Variants in ABCC9 observed in about 807,000 individuals in gnomAD.
The protein encoded by ABCC9 is ATP-binding cassette sub-family C member 9.
A neutral mutation model predicts 188.3 loss-of-function variants in ABCC9; 95 were observed. The observed-to-expected ratio is 0.50, with a 90% CI of 0.43 to 0.60. The LOEUF is 0.60. Ranked by LOEUF, ABCC9 falls within the 20% of genes least tolerant of loss-of-function variation. The probability of loss-of-function intolerance (pLI) is 0.00; values close to 1 mark genes in which losing one functional copy is unlikely to be tolerated. For missense variants in ABCC9, 1,102 were observed against 1,876.3 expected, an observed-to-expected ratio of 0.59 and a Z score of 7.62; for synonymous variants, 659 against 652.7, an observed-to-expected ratio of 1.01 and a Z score of -0.15.
chr12:21,931,558 G>A (rs746457389), intron 4 of ABCC9, among the ~76,000 whole-genome samples: 9 of 152,032 alleles, frequency 5.9e-5, no homozygotes, highest in Non-Finnish European at 1.3e-4. Flanking sequence ...CTACAAACAA[G>A]TTTCTACCAT....
intron 11 of ABCC9, among the ~76,000 whole-genome samples, chr12:21,907,341 G>A (rs1405164224): frequency 6.6e-6 from 1 of 151,984 alleles, no homozygotes; most frequent in African/African-American, 2.4e-5. Flanking sequence ...CATGCAACTC[G>A]CTTGTCATAG....
intron 15 of ABCC9, among the ~76,000 whole-genome samples, chr12:21,883,530 C>G (rs544202255): frequency 6.6e-6 from 1 of 152,232 alleles, no homozygotes; most frequent in South Asian, 2.1e-4. Flanking sequence ...TATAAATTAC[C>G]CAGTCTCAGG....
rs1363467022 is a variant in ABCC9, at chr12:21,797,957, A to T, written c.*3087T>A. ...AGGTGGTCATCTTTTACAGATATGTACCTATATAGTCAAATATTATTTCAA... is the reference window on the plus strand; with the variant it reads ...AGGTGGTCATCTTTTACAGATATGTTCCTATATAGTCAAATATTATTTCAA... On this transcript the variant is annotated 3_prime_UTR_variant, in exon 40 of 40. Coordinates refer to ENST00000261200, the MANE Select transcript of ABCC9 (RefSeq NM_020297.4). 1 of 152,218 alleles carries T rather than the reference A, an allele frequency of 6.6e-6. No individual in the cohort carries two copies. The highest frequency in any genetic ancestry group is 1.5e-5 in the Non-Finnish European group (1 of 68,040). The allele number at this position is 152,218 out of a possible 1,614,324, so 9.4% of individuals were successfully genotyped here.
intron 5 of ABCC9, among the ~76,000 whole-genome samples, chr12:21,920,451 G>T (rs1398896558): frequency 6.6e-6 from 1 of 151,830 alleles, no homozygotes; most frequent in Non-Finnish European, 1.5e-5. Flanking sequence ...TTATTTGTAG[G>T]TATATATTTA....
chr12:21,936,577 G>A lies in ABCC9; in HGVS notation c.98C>T (p.Pro33Leu). The change falls in exon 3 of 40, where the codon CCT becomes CTT. Residue 33 changes from proline (P) to leucine (L), a missense_variant. Physicochemically the swap from Pro to Leu is moderately conservative, Grantham distance 98. This residue lies in a region of ABCC9 where 305 missense variants were observed against 573.0 expected (regional missense o/e 0.53). Transcript: ENST00000261200. ...SCFVDALNLV[P>L]HVFLLFITFP... ...AGTGATAAACAACAGAAAGACATGA[G>A]GGACCAGGTTGAGGGCATCCACAAA... is the stretch of plus-strand genomic sequence containing the variant. 1.2e-6 allele frequency: 2 copies of A among 1,613,146 alleles called. No individual in the cohort carries two copies. The highest frequency in any genetic ancestry group is 1.7e-6 in the Non-Finnish European group (2 of 1,179,358).
At position 21,845,803 on chromosome 12, in the gene ABCC9, TATC is replaced by T. The variant is rs1944631183; in HGVS notation, c.2893_2895del (p.Asp965del). 2 of 1,613,612 alleles carry T rather than the reference TATC, an allele frequency of 1.2e-6. No individual in the cohort carries two copies. The highest frequency in any genetic ancestry group is 1.7e-5 in the Admixed American group (1 of 59,970). On this transcript the variant is annotated inframe_deletion, in exon 26 of 40. Coordinates refer to ENST00000261200, the MANE Select transcript of ABCC9 (RefSeq NM_020297.4). ...CTGAGCCTCATTACAGTGGACATGT[TATC>T]ATCCTCATCTTCCTCCTCTTCTTCC...
In ABCC9 at chr12:21,859,659, T is replaced by C. The variant is rs1237359005; in HGVS notation, c.2432A>G (p.Asn811Ser). 6.2e-7 allele frequency: 1 copy of C among 1,613,784 alleles called. No homozygotes were observed. The highest frequency in any genetic ancestry group is 1.3e-5 in the African/African-American group (1 of 74,902). ...DQTEIGERGI[N>S]LSGGQRQRIC... ...TCTCTGCCTCTGTCCCCCACTCAGG[T>C]TGATGCCCTAGAGAAGAGACACCCC... The change falls in exon 22 of 40, where the codon AAC (asparagine) becomes AGC (serine). Residue 811 changes from asparagine to serine, a missense_variant. By Grantham distance (46) the Asn-to-Ser change is conservative. Coordinates refer to ENST00000261200, the MANE Select transcript of ABCC9 (RefSeq NM_020297.4).
At chr12:21,895,628 G>T (rs1947363403) in intron 12 of ABCC9, among the ~76,000 whole-genome samples, 1 of 152,132 alleles carries the variant, frequency 6.6e-6, no homozygotes, top group South Asian at 2.1e-4. Context: ...TTACAAATGT[G>T]TATTCTACAG....
chr12:21,860,922 A>G lies in ABCC9; in HGVS notation c.2424+49T>C, dbSNP rs372890345. 6 of 1,382,402 alleles carry G rather than the reference A, an allele frequency of 4.3e-6. No homozygotes were observed. The African/African-American group carries it at 8.6e-5, about 20-fold the overall frequency. 85.6% of individuals were successfully genotyped at this position (1,382,402 alleles called of 1,614,324 possible). A position where few individuals can be genotyped will look rare whatever the true frequency, so the allele number is the denominator to read the frequency against. ...ATTAAAGATTAAAGACAACCAGAAG[A>G]CTTTTCTAGATTTTTGTTCATTGCT... On this transcript the variant is annotated intron_variant, in intron 21 of 39. Transcript: ENST00000261200.
chr12:21,892,557 A>G (rs1947213060), intron 14 of ABCC9, among the ~76,000 whole-genome samples: 1 of 152,198 alleles, frequency 6.6e-6, no homozygotes. Context: ...TGATCCGGAC[A>G]AGTGTTTCAG....
rs748933418 is a variant in ABCC9, at chr12:21,809,846, A to T, written c.4315+6T>A. ...AAAAAATAAATATGCTATTTAGGAA[A>T]TATACCTAGACCTCCAGGTAGAGAT... On this transcript the variant is annotated splice_donor_region_variant and intron_variant, in intron 37 of 39. Coordinates refer to ENST00000261200, the MANE Select transcript of ABCC9 (RefSeq NM_020297.4). The T allele has an allele frequency of 6.5e-7, 1 of 1,543,666 alleles. No homozygotes were observed. The highest frequency in any genetic ancestry group is 1.7e-5 in the Admixed American group (1 of 59,782).
At chr12:21,831,708 T>C (rs77963726) in intron 30 of ABCC9, among the ~76,000 whole-genome samples, 1 of 152,080 alleles carries the variant, frequency 6.6e-6, no homozygotes, top group Non-Finnish European at 1.5e-5. Context: ...ATGTTTTTGG[T>C]GAACAAGGCA....
intron 29 of ABCC9, among the ~76,000 whole-genome samples, chr12:21,840,077 CAA>C (rs948772833): frequency 2.0e-5 from 3 of 152,056 alleles, no homozygotes; most frequent in African/African-American, 7.2e-5. Flanking sequence ...TTGATAAAAC[CAA>C]AGAGGTGAGG....
intron 5 of ABCC9, among the ~76,000 whole-genome samples, chr12:21,917,535 A>G (rs1948650766): frequency 6.6e-6 from 1 of 152,154 alleles, no homozygotes; most frequent in South Asian, 2.1e-4. Flanking sequence ...GTCTCATGGT[A>G]TTACCCTGGA....
At chr12:21,893,573 T>C (rs182727116) in intron 14 of ABCC9, among the ~76,000 whole-genome samples, 1 of 152,288 alleles carries the variant, frequency 6.6e-6, no homozygotes, top group Admixed American at 6.5e-5. Flanking sequence ...TTAGAACTAG[T>C]ATCCCCACTT....
intron 25 of ABCC9, among the ~76,000 whole-genome samples, chr12:21,846,288 C>T (rs1944667256): frequency 6.6e-6 from 1 of 152,216 alleles, no homozygotes; most frequent in African/African-American, 2.4e-5. Flanking sequence ...AAGGAGGAAA[C>T]TTCCAGTGGG....
chr12:21,915,514 A>ATATATATATTT lies in ABCC9; in HGVS notation c.816+153_816+154insAAATATATATA. Among the ~76,000 whole-genome samples the ATATATATATTT allele has an allele frequency of 3.7e-3, 13 of 3,518 alleles. 3 individuals carry two copies. Among genetic ancestry groups the ATATATATATTT allele is most frequent in the African/African-American group, 1.1e-3 (1 of 924 alleles). The allele number at this position is 3,518 out of a possible 152,430, so 2.3% of individuals were successfully genotyped here. ...TGTGTGTGTGTGTATATATATATAT[A>ATATATATATTT]TTTTTTTTTTTTTTTTGAGACAGAG... On this transcript the variant is annotated intron_variant, in intron 7 of 39. Coordinates refer to ENST00000261200, the MANE Select transcript of ABCC9 (RefSeq NM_020297.4).
At chr12:21,810,397 A>G (rs1256491094) in intron 36 of ABCC9, among the ~76,000 whole-genome samples, 3 of 152,124 alleles carry the variant, frequency 2.0e-5, no homozygotes, top group African/African-American at 7.2e-5. Context: ...TCATGCTGCT[A>G]TAAGGACATA....
intron 39 of ABCC9, among the ~76,000 whole-genome samples, chr12:21,803,524 G>A (rs1941623049): frequency 6.6e-6 from 1 of 151,726 alleles, no homozygotes; most frequent in African/African-American, 2.4e-5. Flanking sequence ...GCATGGTGGT[G>A]CATGCCTGCA....
Sources: gnomAD v4.1 joint callset for allele counts (sites outside exome capture counted in the v4.1 genomes callset) on GRCh38, gnomAD v4.1.1 for gene constraint, gnomAD v4.1.1 regional missense constraint, MANE v1.5 for transcripts, NCBI Gene and HGNC (gene_info 2026-07-23, HGNC 2026-07-21) for gene names.